The following PTPN2 variants were observed in gnomAD, a reference collection of about 807,000 sequenced individuals.
PTPN2 encodes tyrosine-protein phosphatase non-receptor type 2.
Under a neutral mutation model 57.3 loss-of-function variants are expected in PTPN2, and 19 were observed. The observed-to-expected ratio is 0.33, with a 90% CI of 0.23 to 0.49. The LOEUF (loss-of-function observed/expected upper bound fraction) is 0.49, where lower values mean the gene tolerates loss of function less well. Ranked by LOEUF, PTPN2 falls within the 20% of genes least tolerant of loss-of-function variation. The pLI is 0.99. For missense variants in PTPN2, 358 were observed against 501.1 expected (o/e 0.71, Z 2.73); for synonymous variants, 153 against 164.9 (o/e 0.93, Z 0.55).
chr18:12,806,965 A>G (rs1333667046), intron 7 of PTPN2, among the ~76,000 whole-genome samples: 1 of 152,216 alleles, frequency 6.6e-6, no homozygotes, highest in East Asian at 1.9e-4. Flanking sequence ...GCTTCTGTAT[A>G]GCAAAGGAAG....
At chr18:12,826,712 G>A (rs2042474552) in intron 4 of PTPN2, among the ~76,000 whole-genome samples, 1 of 152,018 alleles carries the variant, frequency 6.6e-6, no homozygotes, top group Non-Finnish European at 1.5e-5. Flanking sequence ...GGGATTACAG[G>A]CGTCTGCCAC....
intron 4 of PTPN2, among the ~76,000 whole-genome samples, chr18:12,828,916 T>G (rs509922): frequency 6.6e-6 from 1 of 152,118 alleles, no homozygotes; most frequent in Non-Finnish European, 1.5e-5. Context: ...TTTTTTTTTT[T>G]GAGACAGGGT....
At chr18:12,870,382 T>TAC (rs1269587618) in intron 1 of PTPN2, among the ~76,000 whole-genome samples, 6 of 64,982 alleles carry the variant, frequency 9.2e-5, no homozygotes, top group East Asian at 3.9e-4. Context: ...TACATATATA[T>TAC]ACGTATATAT....
At chr18:12,820,851 T>A (rs2042248468) in intron 5 of PTPN2, among the ~76,000 whole-genome samples, 1 of 152,202 alleles carries the variant, frequency 6.6e-6, no homozygotes, top group South Asian at 2.1e-4. Context: ...TAAGGCAAAA[T>A]CCCATTTACA....
At chr18:12,831,791 G>A (rs968077681) in intron 3 of PTPN2, among the ~76,000 whole-genome samples, 6 of 152,130 alleles carry the variant, frequency 3.9e-5, no homozygotes, top group South Asian at 4.1e-4. Flanking sequence ...TTAAAAAGGG[G>A]CAACAGTCCA....
chr18:12,850,614 A>T (rs1202156089), intron 2 of PTPN2, among the ~76,000 whole-genome samples: 1 of 152,132 alleles, frequency 6.6e-6, no homozygotes, highest in Non-Finnish European at 1.5e-5. Flanking sequence ...TTAAGTTTCC[A>T]TTATAATTTT....
chr18:12,834,261 A>T (rs112495554), intron 3 of PTPN2, among the ~76,000 whole-genome samples: 16,532 of 148,544 alleles, frequency 0.11, 1,059 homozygotes, highest in Non-Finnish European at 0.15. Flanking sequence ...CGGGAGGAGG[A>T]GGTTGTAGTG....
At chr18:12,840,623 C>T (rs2043012272) in intron 2 of PTPN2, 14 of 1,387,786 alleles carry the variant, frequency 1.0e-5, no homozygotes, top group Middle Eastern at 1.8e-4. Flanking sequence ...TCACACCCAT[C>T]GCACTGTCAC....
chr18:12,815,176 G>A (rs1313689882), intron 6 of PTPN2, among the ~76,000 whole-genome samples: 2 of 151,790 alleles, frequency 1.3e-5, no homozygotes, highest in Admixed American at 6.6e-5. Flanking sequence ...CACTTTGGGA[G>A]GCCAAGGTGG....
intron 1 of PTPN2, among the ~76,000 whole-genome samples, chr18:12,879,491 T>C (rs1398136438): frequency 3.3e-5 from 5 of 152,232 alleles, no homozygotes; most frequent in Admixed American, 3.3e-4. Flanking sequence ...ATTCAGCACA[T>C]ATTTTCAAGT....
chr18:12,879,863 C>G (rs547432740), intron 1 of PTPN2, among the ~76,000 whole-genome samples: 1 of 152,330 alleles, frequency 6.6e-6, no homozygotes, highest in East Asian at 1.9e-4. Context: ...AAAAAAAGCA[C>G]AACTCTTCAA....
At chr18:12,880,310 C>T (rs974894583) in intron 1 of PTPN2, among the ~76,000 whole-genome samples, 8 of 152,190 alleles carry the variant, frequency 5.3e-5, no homozygotes, top group African/African-American at 1.7e-4. Context: ...AAGCAAGAGA[C>T]ACAGGCCATG....
At chr18:12,835,204 T>A (rs1245078989) in intron 3 of PTPN2, among the ~76,000 whole-genome samples, 1 of 151,688 alleles carries the variant, frequency 6.6e-6, no homozygotes, top group Non-Finnish European at 1.5e-5. Flanking sequence ...CAAATGCACA[T>A]AAAAAAAACT....
intron 1 of PTPN2, chr18:12,863,187 T>C (rs1316252481): frequency 6.6e-6 from 1 of 152,254 alleles, no homozygotes. Flanking sequence ...CTGGGCACAG[T>C]GGCTCACACC....
chr18:12,850,822 C>T (rs948597995), intron 2 of PTPN2, among the ~76,000 whole-genome samples: 1 of 152,054 alleles, frequency 6.6e-6, no homozygotes. Flanking sequence ...TCACCGCAAC[C>T]TCTGCCTCCC....
chr18:12,822,150 G>A (rs1287918003), intron 5 of PTPN2, among the ~76,000 whole-genome samples: 1 of 152,048 alleles, frequency 6.6e-6, no homozygotes, highest in African/African-American at 2.4e-5. Flanking sequence ...GGGCCACAGG[G>A]GTTACTAAGG....
intron 1 of PTPN2, 43 bp from the exon 2 acceptor site, chr18:12,859,297 T>A (rs1433764537): frequency 7.4e-7 from 1 of 1,349,894 alleles, no homozygotes; most frequent in Admixed American, 1.9e-5. Context: ...TCTTAAATTC[T>A]CCACAGCAAA....
At chr18:12,877,878 G>A (rs1039120151) in intron 1 of PTPN2, among the ~76,000 whole-genome samples, 1 of 152,034 alleles carries the variant, frequency 6.6e-6, no homozygotes, top group African/African-American at 2.4e-5. Flanking sequence ...TGGCGTGGTG[G>A]CGGGCGCCTG....
At chr18:12,848,141 T>C (rs780991126) in intron 2 of PTPN2, among the ~76,000 whole-genome samples, 2 of 152,344 alleles carry the variant, frequency 1.3e-5, no homozygotes, top group Non-Finnish European at 2.9e-5. Flanking sequence ...ATTATTATTA[T>C]AGAACTAAGT....
Sources: gnomAD v4.1 joint callset for allele counts (sites outside exome capture counted in the v4.1 genomes callset) on GRCh38, gnomAD v4.1.1 for gene constraint, MANE v1.5 for transcripts, NCBI Gene and HGNC (gene_info 2026-07-23, HGNC 2026-07-21) for gene names.